Variants in FOXP1 observed in about 807,000 individuals in gnomAD.
FOXP1 encodes forkhead box P1, also known as forkhead box protein P1.
Under a neutral mutation model 98.2 loss-of-function variants are expected in FOXP1, and 15 were observed. That is an observed-to-expected ratio of 0.15 (90% CI 0.10 to 0.24). FOXP1 has a LOEUF of 0.24. Ranked by LOEUF, FOXP1 falls within the 10% of genes least tolerant of loss-of-function variation. The probability of loss-of-function intolerance (pLI) is 1.00; values close to 1 mark genes in which losing one functional copy is unlikely to be tolerated. For synonymous variants in FOXP1, 371 were observed against 314.5 expected (o/e 1.18, Z -1.90); for missense variants, 633 against 848.5 (o/e 0.75, Z 3.15).
rs1575634107 is a variant in FOXP1, at chr3:70,955,853, C to CACACACAG, written c.*3393_*3394insCTGTGTGT. On this transcript the variant is annotated 3_prime_UTR_variant, in exon 21 of 21. Transcript: ENST00000649528. The stretch of plus-strand genomic sequence containing the variant: ...GCGCGCACACACACACACACACACA[C>CACACACAG]ACAAAACCTGTACAAAATGCTCCAA... 1.3e-5 allele frequency: 3 copies of CACACACAG among 233,050 alleles called. No homozygotes were observed. The East Asian group carries it at 1.8e-4, about 14-fold the overall frequency. 14.4% of individuals were successfully genotyped at this position (233,050 alleles called of 1,614,324 possible).
At chr3:71,164,568 T>C (rs551468240) in intron 6 of FOXP1, among the ~76,000 whole-genome samples, 1 of 152,284 alleles carries the variant, frequency 6.6e-6, no homozygotes, top group East Asian at 1.9e-4. Flanking sequence ...CTAGAAACAG[T>C]GAATGGAATT....
intron 6 of FOXP1, among the ~76,000 whole-genome samples, chr3:71,150,850 C>T (rs1036014978): frequency 1.3e-5 from 2 of 152,046 alleles, no homozygotes; most frequent in Admixed American, 6.6e-5. Context: ...TACCCCGTTA[C>T]GGTCTCTTTT....
At chr3:71,064,172 G>A (rs1312412949) in intron 7 of FOXP1, among the ~76,000 whole-genome samples, 1 of 152,170 alleles carries the variant, frequency 6.6e-6, no homozygotes, top group Non-Finnish European at 1.5e-5. Context: ...CGCCTGCTCC[G>A]GTGTGGGGCT....
intron 5 of FOXP1, among the ~76,000 whole-genome samples, chr3:71,224,151 A>G (rs2065642815): frequency 6.6e-6 from 1 of 152,218 alleles, no homozygotes; most frequent in Non-Finnish European, 1.5e-5. Context: ...CAGAGGCTCA[A>G]GGGTGGTGGT....
intron 6 of FOXP1, among the ~76,000 whole-genome samples, chr3:71,148,182 G>A (rs1054467439): frequency 2.6e-5 from 4 of 152,180 alleles, no homozygotes; most frequent in African/African-American, 9.7e-5. Flanking sequence ...TTCGAGACCA[G>A]CCTGGCCAAC....
intron 6 of FOXP1, chr3:71,130,701 C>G: frequency 1.9e-6 from 3 of 1,551,526 alleles, no homozygotes; most frequent in East Asian, 2.3e-5. Flanking sequence ...TGTAGGCAAC[C>G]TCAGGGAGGT....
chr3:71,059,312 T>G (rs902858692), intron 7 of FOXP1, among the ~76,000 whole-genome samples: 10 of 152,172 alleles, frequency 6.6e-5, no homozygotes, highest in African/African-American at 2.2e-4. Context: ...TTTTTGTCTT[T>G]AAATTCTAAA....
At chr3:71,474,543 C>T (rs2089649998) in intron 3 of FOXP1, among the ~76,000 whole-genome samples, 1 of 152,112 alleles carries the variant, frequency 6.6e-6, no homozygotes, top group Admixed American at 6.5e-5. Flanking sequence ...ACAGCCGCTG[C>T]CCACAGCTCA....
intron 2 of FOXP1, among the ~76,000 whole-genome samples, chr3:71,565,954 C>A (rs1429386989): frequency 1.3e-5 from 2 of 152,146 alleles, no homozygotes; most frequent in African/African-American, 4.8e-5. Flanking sequence ...ATAAATAAAT[C>A]AACGAGTGAA....
intron 2 of FOXP1, among the ~76,000 whole-genome samples, chr3:71,515,853 G>C (rs189059860): frequency 6.6e-6 from 1 of 152,138 alleles, no homozygotes; most frequent in African/African-American, 2.4e-5. Flanking sequence ...AACAAAAAAC[G>C]TCATCTTTTT....
At chr3:71,104,759 C>A (rs1252298079) in intron 7 of FOXP1, among the ~76,000 whole-genome samples, 1 of 152,166 alleles carries the variant, frequency 6.6e-6, no homozygotes, top group Non-Finnish European at 1.5e-5. Flanking sequence ...AGTAAACATC[C>A]TGAACATTAC....
chr3:71,282,301 C>CAGTA (rs1209570416), intron 5 of FOXP1, among the ~76,000 whole-genome samples: 3 of 151,986 alleles, frequency 2.0e-5, no homozygotes, highest in African/African-American at 7.2e-5. Flanking sequence ...GGCCAAAAGA[C>CAGTA]AGTACCAGGA....
intron 7 of FOXP1, among the ~76,000 whole-genome samples, chr3:71,097,904 C>T (rs1183865226): frequency 1.3e-5 from 2 of 152,164 alleles, no homozygotes; most frequent in East Asian, 1.9e-4. Flanking sequence ...AAATGCTTGC[C>T]ACTGGGTGTC....
At chr3:71,344,662 CCCCCTGTG>C (rs1430787889) in intron 4 of FOXP1, among the ~76,000 whole-genome samples, 1 of 151,894 alleles carries the variant, frequency 6.6e-6, no homozygotes, top group Non-Finnish European at 1.5e-5. Context: ...CATGGCGAAA[CCCCCTGTG>C]CACTAAAAAT....
intron 12 of FOXP1, among the ~76,000 whole-genome samples, chr3:71,011,712 T>C (rs2043667713): frequency 6.6e-6 from 1 of 152,128 alleles, no homozygotes; most frequent in Non-Finnish European, 1.5e-5. Flanking sequence ...TACCAGGAAA[T>C]AACCAAGCAA....
chr3:71,043,965 G>C (rs891048352), intron 10 of FOXP1, among the ~76,000 whole-genome samples: 2 of 152,142 alleles, frequency 1.3e-5, no homozygotes, highest in African/African-American at 4.8e-5. Context: ...CTCATTAAGT[G>C]ACAACAGCGA....
intron 19 of FOXP1, among the ~76,000 whole-genome samples, chr3:70,967,628 T>C (rs2035092505): frequency 6.9e-6 from 1 of 145,202 alleles, no homozygotes; most frequent in Admixed American, 6.8e-5. Flanking sequence ...TAAAGCTTTT[T>C]TTCTTTCTTT....
intron 5 of FOXP1, among the ~76,000 whole-genome samples, chr3:71,232,735 C>A (rs985655062): frequency 6.6e-6 from 1 of 151,426 alleles, no homozygotes; most frequent in Non-Finnish European, 1.5e-5. Context: ...CCTGTGTCTA[C>A]CAAAAATACA....
At chr3:71,055,466 AT>A (rs1188362351) in intron 7 of FOXP1, among the ~76,000 whole-genome samples, 3 of 152,214 alleles carry the variant, frequency 2.0e-5, no homozygotes, top group Non-Finnish European at 4.4e-5. Flanking sequence ...ATGTCTGAAT[AT>A]TTTCATATGC....
Sources: gnomAD v4.1 joint callset for allele counts (sites outside exome capture counted in the v4.1 genomes callset) on GRCh38, gnomAD v4.1.1 for gene constraint, MANE v1.5 for transcripts, NCBI Gene and HGNC (gene_info 2026-07-23, HGNC 2026-07-21) for gene names.